AAAS: variants seen among roughly 807,000 people sequenced by gnomAD.
AAAS encodes the protein aladin WD repeat nucleoporin.
AAAS carries 60 observed loss-of-function variants against 75.6 expected under a neutral mutation model. The observed-to-expected ratio is 0.79, with a 90% confidence interval of 0.64 to 0.98. The LOEUF (loss-of-function observed/expected upper bound fraction) is 0.98. AAAS is among the 50% of genes least tolerant of loss of function. The probability of loss-of-function intolerance (pLI) is 0.00; values close to 1 mark genes in which losing one functional copy is unlikely to be tolerated. For synonymous variants in AAAS, 271 were observed against 265.0 expected (o/e 1.02, Z -0.22); for missense variants, 658 against 686.9 (o/e 0.96, Z 0.47).
Position 53,308,708 on chromosome 12 carries a change from G to T in AAAS, c.1087+17C>A. On this transcript the variant is annotated intron_variant, in intron 11 of 15. Transcript: ENST00000209873. Reference sequence around the variant, plus strand: ...CCCTCTGACCACCCCAAATACTGAAGTGTTGCCCTAACTCACCACAACGTT... The same window carrying T: ...CCCTCTGACCACCCCAAATACTGAATTGTTGCCCTAACTCACCACAACGTT... The T allele has an allele frequency of 6.2e-7, 1 of 1,613,884 alleles. No individual in the cohort carries two copies.
chr12:53,314,050 C>T lies in AAAS; in HGVS notation c.689+248G>A, dbSNP rs191095919. Among the ~76,000 whole-genome samples, 162 of 152,138 alleles carry T rather than the reference C, an allele frequency of 1.1e-3. 6 individuals carry two copies. In the South Asian group the frequency reaches 0.032, roughly 30 times the overall value. ...TTTAAGTGTAAAGGAAGTGTATAGT[C>T]CTCTGAAAGAGTCTTTCCACCCCGT... On this transcript the variant is annotated intron_variant, in intron 7 of 15. Coordinates refer to ENST00000209873, the MANE Select transcript of AAAS (RefSeq NM_015665.6).
At chr12:53,320,035 G>A (rs941957959) in intron 2 of AAAS, among the ~76,000 whole-genome samples, 2 of 151,542 alleles carry the variant, frequency 1.3e-5, no homozygotes, top group South Asian at 2.1e-4. Context: ...CAGAAGAATC[G>A]CTTGAACCTG....
At chr12:53,318,630 T>C (rs1049781499) in intron 2 of AAAS, among the ~76,000 whole-genome samples, 3 of 152,172 alleles carry the variant, frequency 2.0e-5, no homozygotes, top group Non-Finnish European at 4.4e-5. Context: ...CCAGAACCTA[T>C]ACTCAAACCA....
chr12:53,315,898 G>T, intron 2 of AAAS, 116 bp from the exon 3 acceptor site: 1 of 1,139,658 alleles, frequency 8.8e-7, no homozygotes, highest in Non-Finnish European at 1.3e-6. Flanking sequence ...TTTAATGAGT[G>T]CCAACTATGT....
rs1396475625 is a variant in AAAS at position 53,321,430 on chromosome 12, A to C, written c.36T>G (p.Pro12=). Reference sequence around the variant, plus strand: ...GCTCATATAGGGTGACTTGACCCCGAGGCGGTGGAGGAGGGAACAACCCCA... The same window carrying C: ...GCTCATATAGGGTGACTTGACCCCGCGGCGGTGGAGGAGGGAACAACCCCA... ...CSLGLFPPPP[P]RGQVTLYEHN... is the part of the protein sequence containing the mutation. Residue 12 remains proline, a synonymous_variant, in exon 1 of 16, where the codon CCT becomes CCG. Coordinates refer to ENST00000209873, the MANE Select transcript of AAAS (RefSeq NM_015665.6). 6.2e-7 allele frequency: 1 copy of C among 1,614,196 alleles called. No homozygotes were observed. The highest frequency in any genetic ancestry group is 1.1e-5 in the South Asian group (1 of 91,084).
intron 1 of AAAS, chr12:53,321,061 C>T: frequency 1.8e-6 from 1 of 567,594 alleles, no homozygotes; most frequent in Middle Eastern, 4.8e-4. Flanking sequence ...AGATACTGTC[C>T]CCAACTTTTA....
chr12:53,309,664 G>C lies in AAAS; in HGVS notation c.747C>G (p.Ser249Arg). ...GCCCCCCACTGGGGGCCCAGGCCAA[G>C]CTGGTAACAGGTGTATGCCCAGGGT... ...LSHPGHTPVT[S>R]LAWAPSGGRL... The change falls in exon 8 of 16, where the codon AGC becomes AGG. Residue 249 changes from serine to arginine, a missense_variant. Transcript: ENST00000209873. 1 of 1,613,512 alleles carries C rather than the reference G, an allele frequency of 6.2e-7. No homozygotes were observed.
chr12:53,313,744 G>A (rs1241050033), intron 7 of AAAS, among the ~76,000 whole-genome samples: 3 of 151,566 alleles, frequency 2.0e-5, no homozygotes, highest in Non-Finnish European at 4.4e-5. Context: ...GAGTAGCTGG[G>A]ACTACAGGTG....
At chr12:53,321,293 C>T (rs752463492) in intron 1 of AAAS, 50 bp downstream of exon 1, 21 of 1,596,678 alleles carry the variant, frequency 1.3e-5, no homozygotes, top group Admixed American at 3.3e-5. Context: ...CCAGTAGTCC[C>T]CGACTCCGCC....
chr12:53,314,547 C>T, intron 6 of AAAS, 106 bp from the exon 7 acceptor site: 1 of 1,501,942 alleles, frequency 6.7e-7, no homozygotes, highest in South Asian at 1.1e-5. Flanking sequence ...ATGATCCATC[C>T]AGGGGCCAGG....
chr12:53,318,662 T>C (rs1231459158), intron 2 of AAAS, among the ~76,000 whole-genome samples: 1 of 152,204 alleles, frequency 6.6e-6, no homozygotes, highest in Non-Finnish European at 1.5e-5. Flanking sequence ...ATGAGTAATA[T>C]GATCATTCCT....
chr12:53,321,057 T>C, intron 1 of AAAS: 1 of 562,308 alleles, frequency 1.8e-6, no homozygotes, highest in Non-Finnish European at 3.1e-6. Flanking sequence ...CCCCAGATAC[T>C]GTCCCCAACT....
At chr12:53,320,413 G>T (rs1046266980) in intron 2 of AAAS, 152 bp downstream of exon 2, 1 of 1,071,588 alleles carries the variant, frequency 9.3e-7, no homozygotes, top group Admixed American at 1.9e-5. Context: ...TCTATAATAA[G>T]GACTAAAAAT....
intron 2 of AAAS, among the ~76,000 whole-genome samples, chr12:53,318,242 G>GTGTGTGTGTA (rs1241963057): frequency 7.7e-6 from 1 of 130,464 alleles, no homozygotes; most frequent in Non-Finnish European, 1.6e-5. Context: ...GTGTGTGTGT[G>GTGTGTGTGTA]TGCGTGTGTG....
rs746153303 is a variant in AAAS at position 53,308,798 on chromosome 12, T to C, written c.1014A>G (p.Pro338=). Residue 338 remains proline, a synonymous_variant, in exon 11 of 16, where the codon CCA becomes CCG. Coordinates refer to ENST00000209873, the MANE Select transcript of AAAS (RefSeq NM_015665.6). ...CAGTGAACAGCAGTCGGCTGCCATC[T>C]GGGCTCCAGCAGCCAGTCTGGGGTC... ...SGRCQTGCWS[P]DGSRLLFTVL... 1.2e-6 allele frequency: 2 copies of C among 1,613,952 alleles called. No homozygotes were observed. Among genetic ancestry groups the C allele is most frequent in the Non-Finnish European group, 1.7e-6 (2 of 1,180,032 alleles).
chr12:53,314,054 T>C (rs1944429108), intron 7 of AAAS, among the ~76,000 whole-genome samples: 1 of 152,184 alleles, frequency 6.6e-6, no homozygotes, highest in Non-Finnish European at 1.5e-5. Flanking sequence ...TATAGTCCTC[T>C]GAAAGAGTCT....
intron 7 of AAAS, among the ~76,000 whole-genome samples, chr12:53,310,818 A>T (rs973572657): frequency 5.3e-5 from 8 of 152,270 alleles, no homozygotes; most frequent in African/African-American, 1.9e-4. Flanking sequence ...CTGCCTTTGC[A>T]GGTGGGTTCA....
Position 53,308,500 on chromosome 12 carries a change from T to C in AAAS, c.1116A>G (p.Ala372=). ...GATCTGCCACAATCGTTGCTGACTTTGCACCTCCAACGCACCCCTTTCCCT... is the reference window on the plus strand; with the variant it reads ...GATCTGCCACAATCGTTGCTGACTTCGCACCTCCAACGCACCCCTTTCCCT... The part of the protein sequence containing the change: ...CGEGKGCVGG[A]KSATIVADLS... The change falls in exon 12 of 16, where the codon GCA becomes GCG. Residue 372 remains alanine (A), a synonymous_variant. Coordinates refer to ENST00000209873, the MANE Select transcript of AAAS (RefSeq NM_015665.6). 7 of 1,614,198 alleles carry C rather than the reference T, an allele frequency of 4.3e-6. No homozygotes were observed. Among genetic ancestry groups the C allele is most frequent in the Non-Finnish European group, 5.9e-6 (7 of 1,180,044 alleles).
intron 8 of AAAS, 56 bp from the exon 9 acceptor site, chr12:53,309,337 T>G (rs1169527199): frequency 6.2e-7 from 1 of 1,609,168 alleles, no homozygotes; most frequent in Non-Finnish European, 8.5e-7. Flanking sequence ...CATCTCACAG[T>G]GGGCTGGCCT....
Sources: gnomAD v4.1 joint callset for allele counts (sites outside exome capture counted in the v4.1 genomes callset) on GRCh38, gnomAD v4.1.1 for gene constraint, MANE v1.5 for transcripts, NCBI Gene and HGNC (gene_info 2026-07-23, HGNC 2026-07-21) for gene names.